The following TRAM2 variants were observed in gnomAD, a reference collection of about 807,000 sequenced individuals.
TRAM2 encodes the protein translocating chain-associated membrane protein 2.
A neutral mutation model predicts 51.0 loss-of-function variants in TRAM2; 12 were observed. The ratio of observed to expected loss-of-function variants is 0.24; its 90% CI spans 0.15 to 0.38. The LOEUF is 0.38. TRAM2 is among the 10% of genes least tolerant of loss of function. The pLI is 1.00. For missense variants in TRAM2, 361 were observed against 462.0 expected (o/e 0.78, Z 2.00); for synonymous variants, 175 against 179.4 (o/e 0.98, Z 0.20).
In TRAM2 at chr6:52,560,007, G is replaced by A. The variant is rs147606357; in HGVS notation, c.120+16789C>T. 2.8e-3 allele frequency among the ~76,000 whole-genome samples: 431 copies of A among 152,210 alleles called. 5 individuals carry two copies. Among genetic ancestry groups the A allele is most frequent in the African/African-American group, 9.8e-3 (407 of 41,532 alleles). On this transcript the variant is annotated intron_variant, in intron 1 of 10. Coordinates refer to ENST00000182527, the MANE Select transcript of TRAM2 (RefSeq NM_012288.4). ...TGTAATCCTAACACTTTGGGAAGCC[G>A]AGGCAGGTGGATCACCTGAGGTCAG...
chr6:52,528,886 C>CTTTT (rs144917424), intron 2 of TRAM2, among the ~76,000 whole-genome samples: 20 of 128,530 alleles, frequency 1.6e-4, no homozygotes, highest in African/African-American at 5.6e-4. Flanking sequence ...GTGTACATGA[C>CTTTT]TTTTTTTTTT....
At chr6:52,535,177 GT>G (rs1766958098) in intron 2 of TRAM2, among the ~76,000 whole-genome samples, 1 of 152,158 alleles carries the variant, frequency 6.6e-6, no homozygotes, top group Admixed American at 6.5e-5. Flanking sequence ...CAGATCAATG[GT>G]CATGATGCCT....
intron 1 of TRAM2, among the ~76,000 whole-genome samples, chr6:52,559,700 T>C (rs954758804): frequency 1.3e-5 from 2 of 152,238 alleles, no homozygotes; most frequent in African/African-American, 4.8e-5. Context: ...CCATTCTTCA[T>C]GAAGATTCCC....
chr6:52,503,280 GGAGA>G lies in TRAM2; in HGVS notation c.1040-14_1040-11del. ...CCATTTTCATGGTAACCTGGGAAGT[GGAGA>G]GAGACAAGCATACATGGTGTTTCTG... is the stretch of plus-strand genomic sequence containing the variant. On this transcript the variant is annotated splice_polypyrimidine_tract_variant and intron_variant, in intron 10 of 10. Coordinates refer to ENST00000182527, the MANE Select transcript of TRAM2 (RefSeq NM_012288.4). 2 of 1,612,872 alleles carry G rather than the reference GGAGA, an allele frequency of 1.2e-6. No homozygotes were observed. Among genetic ancestry groups the G allele is most frequent in the Non-Finnish European group, 8.5e-7 (1 of 1,178,830 alleles).
At chr6:52,511,456 T>A (rs114599999) in intron 4 of TRAM2, among the ~76,000 whole-genome samples, 5,016 of 152,264 alleles carry the variant, frequency 0.033, 127 homozygotes, top group Non-Finnish European at 0.056. Context: ...TCTGGTCCAA[T>A]AACTTCAGGC....
intron 1 of TRAM2, among the ~76,000 whole-genome samples, chr6:52,568,279 T>TA (rs1219285425): frequency 1.3e-5 from 2 of 152,192 alleles, no homozygotes; most frequent in African/African-American, 2.4e-5. Context: ...GCTATTCTTT[T>TA]AAAAAATCAA....
intron 1 of TRAM2, among the ~76,000 whole-genome samples, chr6:52,575,142 T>C (rs1031624776): frequency 6.6e-6 from 1 of 152,248 alleles, no homozygotes; most frequent in Non-Finnish European, 1.5e-5. Flanking sequence ...AAGAGACTTT[T>C]TCATGTTGGT....
chr6:52,533,094 G>T (rs1347736561), intron 2 of TRAM2, among the ~76,000 whole-genome samples: 2 of 151,940 alleles, frequency 1.3e-5, no homozygotes, highest in East Asian at 3.9e-4. Flanking sequence ...GGGGGCTAGA[G>T]GGGGTGGGGA....
At chr6:52,508,174 A>C in intron 6 of TRAM2, 60 bp downstream of exon 6, 1 of 1,484,840 alleles carries the variant, frequency 6.7e-7, no homozygotes, top group Non-Finnish European at 9.4e-7. Context: ...ACCCCTGGGA[A>C]TAGCAGGAGG....
intron 9 of TRAM2, 137 bp downstream of exon 9, chr6:52,505,462 G>T (rs948011230): frequency 2.4e-6 from 3 of 1,237,974 alleles, no homozygotes; most frequent in Non-Finnish European, 2.2e-6. Context: ...CTCCCCTCAG[G>T]CCTGATATCC....
intron 1 of TRAM2, among the ~76,000 whole-genome samples, chr6:52,548,813 A>C (rs2114095516): frequency 6.6e-6 from 1 of 152,352 alleles, no homozygotes; most frequent in Admixed American, 6.5e-5. Context: ...GCAAAGGGCA[A>C]GTGGAAGCTC....
Position 52,504,580 on chromosome 6 carries a change from C to G in TRAM2, c.1039+11G>C, listed in dbSNP as rs1385936270. 12 of 1,614,016 alleles carry G rather than the reference C, an allele frequency of 7.4e-6. No homozygotes were observed. Among genetic ancestry groups the G allele is most frequent in the Non-Finnish European group, 1.0e-5 (12 of 1,180,038 alleles). On this transcript the variant is annotated intron_variant, in intron 10 of 10. Coordinates refer to ENST00000182527, the MANE Select transcript of TRAM2 (RefSeq NM_012288.4). ...CTGGCTCCACTCTCTGCCAAGGGCC[C>G]TGGCACTCACCAGATTCCCTCTTGA... is the stretch of plus-strand genomic sequence containing the variant.
chr6:52,545,114 G>C (rs1237871441), intron 1 of TRAM2, among the ~76,000 whole-genome samples: 1 of 152,240 alleles, frequency 6.6e-6, no homozygotes, highest in Non-Finnish European at 1.5e-5. Flanking sequence ...TCCATTCCAA[G>C]CTCTAGCATC....
Position 52,575,425 on chromosome 6 carries a change from G to C in TRAM2, c.120+1371C>G, listed in dbSNP as rs574025196. On this transcript the variant is annotated intron_variant, in intron 1 of 10. Transcript: ENST00000182527. The stretch of plus-strand genomic sequence containing the variant: ...CTGTGAGAGGGAGAGGAAGGAGAGA[G>C]GGACTGAACTAAAGGAGCACTATCA... Among the ~76,000 whole-genome samples, 5 of 152,248 alleles carry C rather than the reference G, an allele frequency of 3.3e-5. No homozygotes were observed. The South Asian group carries it at 1.0e-3, about 32-fold the overall frequency.
chr6:52,525,067 G>GAAC (rs1449273630), intron 2 of TRAM2: 1 of 152,246 alleles, frequency 6.6e-6, no homozygotes, highest in Non-Finnish European at 1.5e-5. Context: ...GTAATCCCGG[G>GAAC]ATTATCTCCA....
chr6:52,576,672 A>G, intron 1 of TRAM2, 124 bp downstream of exon 1: 1 of 1,310,332 alleles, frequency 7.6e-7, no homozygotes, highest in Non-Finnish European at 1.0e-6. Context: ...GCCGGGGTGC[A>G]GATAACGTAC....
At chr6:52,571,057 A>G (rs112638824) in intron 1 of TRAM2, among the ~76,000 whole-genome samples, 159 of 151,868 alleles carry the variant, frequency 1.0e-3, no homozygotes, top group African/African-American at 3.7e-3. Context: ...CCATGTTAGT[A>G]CTTTTACTGT....
intron 4 of TRAM2, among the ~76,000 whole-genome samples, chr6:52,513,367 C>T (rs1195190382): frequency 1.3e-5 from 2 of 152,146 alleles, no homozygotes; most frequent in Non-Finnish European, 1.5e-5. Flanking sequence ...ATTCTCATAG[C>T]CAACATTTAG....
rs1252258922 is a variant in TRAM2, at chr6:52,504,754, C to T, written c.876G>A (p.Arg292=). Residue 292 remains arginine (R), a splice_region_variant and synonymous_variant, in exon 10 of 11, where the codon AGG becomes AGA. Coordinates refer to ENST00000182527, the MANE Select transcript of TRAM2 (RefSeq NM_012288.4). Reference sequence around the variant, plus strand: ...CACACACCAGCAGCAGCACGCAGAGCCTGCAGAGCAGGGGGTTAGGGGCTT... The same window carrying T: ...CACACACCAGCAGCAGCACGCAGAGTCTGCAGAGCAGGGGGTTAGGGGCTT... ...EKGNFNTLFC[R]LCVLLLVCAA... The T allele has an allele frequency of 6.2e-7, 1 of 1,601,434 alleles. No individual in the cohort carries two copies. Among genetic ancestry groups the T allele is most frequent in the East Asian group, 2.2e-5 (1 of 44,586 alleles).
Sources: allele counts gnomAD v4.1 joint callset (sites outside exome capture counted in the v4.1 genomes callset), GRCh38; gene constraint gnomAD v4.1.1; transcripts MANE v1.5; gene names NCBI Gene and HGNC (gene_info 2026-07-23, HGNC 2026-07-21).